CHIC1: variants seen among roughly 807,000 people sequenced by gnomAD.
CHIC1 encodes the protein cysteine-rich hydrophobic domain-containing protein 1.
In CHIC1, 7 loss-of-function variants were observed where a neutral mutation model predicts 18.5. The observed-to-expected ratio is 0.38, with a 90% CI of 0.22 to 0.71. CHIC1 has a LOEUF of 0.71. Ranked by LOEUF, CHIC1 falls within the 30% of genes least tolerant of loss-of-function variation. CHIC1 has a pLI of 0.49. For synonymous variants in CHIC1, 77 were observed against 73.5 expected (o/e 1.05, Z -0.25); for missense variants, 159 against 176.9 (o/e 0.90, Z 0.57).
In CHIC1 at chrX:73,580,976, C is replaced by T. The variant is rs1204898585; in HGVS notation, c.352-3441C>T. Among the ~76,000 whole-genome samples, 3 of 111,148 alleles carry T rather than the reference C, an allele frequency of 2.7e-5. No homozygotes were observed. In the East Asian group the frequency reaches 8.5e-4, roughly 31 times the overall value. On this transcript the variant is annotated intron_variant, in intron 2 of 5. Coordinates refer to ENST00000373502, the MANE Select transcript of CHIC1 (RefSeq NM_001039840.4). ...TATTAAGTGCAGAAAAGATTGTTTT[C>T]CCTATTTCATATCGAACAGATGTAT...
intron 3 of CHIC1, among the ~76,000 whole-genome samples, chrX:73,597,594 C>CAT (rs1230045559): frequency 1.4e-3 from 152 of 105,054 alleles, no homozygotes; most frequent in African/African-American, 4.9e-3. Flanking sequence ...TATATACACA[C>CAT]ATATATATAT....
intron 3 of CHIC1, among the ~76,000 whole-genome samples, chrX:73,623,346 G>A (rs1224306256): frequency 9.0e-6 from 1 of 110,876 alleles, no homozygotes; most frequent in African/African-American, 3.3e-5. Flanking sequence ...CTAAGAACCT[G>A]CTTTATGAAT....
Position 73,678,735 on chromosome X carries a change from C to T in CHIC1, c.508-591C>T, listed in dbSNP as rs180842173. ...CCCCCTCTTTGCTACATTACTGCTT[C>T]TCTGATTTATATTTTTCTAAGTATA... On this transcript the variant is annotated intron_variant, in intron 3 of 5. Coordinates refer to ENST00000373502, the MANE Select transcript of CHIC1 (RefSeq NM_001039840.4). Among the ~76,000 whole-genome samples, 868 of 112,326 alleles carry T rather than the reference C, an allele frequency of 7.7e-3. 3 individuals are homozygous for T. Among genetic ancestry groups the T allele is most frequent in the Middle Eastern group, 0.019 (4 of 216 alleles).
Position 73,587,240 on chromosome X carries a change from A to T in CHIC1, c.507+2668A>T, listed in dbSNP as rs1250517255. ...GTCTGCCTTATAATTTTTTGGCAGT[A>T]TAATTCATGAGAATTTTCTCTAGCA... On this transcript the variant is annotated intron_variant, in intron 3 of 5. Transcript: ENST00000373502. Among the ~76,000 whole-genome samples the T allele has an allele frequency of 2.7e-5, 3 of 112,228 alleles. No homozygotes were observed. In the Admixed American group the frequency reaches 2.8e-4, roughly 11 times the overall value.
At position 73,681,203 on chromosome X, in the gene CHIC1, ACT is replaced by A. The variant is rs1156958954; in HGVS notation, c.*202_*203del. On this transcript the variant is annotated 3_prime_UTR_variant, in exon 6 of 6. Transcript: ENST00000373502. ...TCTTTCAATGAGGCTTGTGTTTTGC[ACT>A]CTCAATTTTAAATACACACACATGC... is the stretch of plus-strand genomic sequence containing the variant. 2 of 371,768 alleles carry A rather than the reference ACT, an allele frequency of 5.4e-6. No individual in the cohort carries two copies. Among genetic ancestry groups the A allele is most frequent in the African/African-American group, 5.3e-5 (2 of 37,390 alleles). The allele number at this position is 371,768 out of a possible 1,213,427, so 30.6% of individuals were successfully genotyped here.
chrX:73,573,192 G>T (rs932250353), intron 1 of CHIC1, among the ~76,000 whole-genome samples: 54 of 110,972 alleles, frequency 4.9e-4, no homozygotes, highest in African/African-American at 1.8e-3. Flanking sequence ...TCCATTTATT[G>T]AATAGAGGGG....
chrX:73,673,253 A>C (rs888466431), intron 3 of CHIC1, among the ~76,000 whole-genome samples: 1 of 111,377 alleles, frequency 9.0e-6, no homozygotes, highest in African/African-American at 3.3e-5. Flanking sequence ...TTCCATATGA[A>C]CTTTAAAGTA....
At chrX:73,591,341 A>T (rs771607108) in intron 3 of CHIC1, among the ~76,000 whole-genome samples, 1 of 109,653 alleles carries the variant, frequency 9.1e-6, no homozygotes. Context: ...AAATTCCCTC[A>T]CTCACCAATT....
intron 3 of CHIC1, among the ~76,000 whole-genome samples, chrX:73,595,282 T>C (rs2057601907): frequency 9.0e-6 from 1 of 110,913 alleles, no homozygotes; most frequent in Non-Finnish European, 1.9e-5. Flanking sequence ...TATCAACCCA[T>C]CATCTACATT....
At chrX:73,621,084 C>T (rs1176245605) in intron 3 of CHIC1, among the ~76,000 whole-genome samples, 1 of 111,769 alleles carries the variant, frequency 8.9e-6, no homozygotes, top group African/African-American at 3.3e-5. Context: ...CAGTACCATG[C>T]TGTTTTGGTT....
At chrX:73,612,649 G>C (rs968765030) in intron 3 of CHIC1, among the ~76,000 whole-genome samples, 1 of 111,403 alleles carries the variant, frequency 9.0e-6, no homozygotes, top group African/African-American at 3.3e-5. Context: ...ATCTAGTTTT[G>C]TTCCATCGTG....
At chrX:73,611,878 T>C (rs1217829886) in intron 3 of CHIC1, among the ~76,000 whole-genome samples, 1 of 108,699 alleles carries the variant, frequency 9.2e-6, no homozygotes, top group African/African-American at 3.5e-5. Flanking sequence ...TTTGTTTTTT[T>C]CTTGTAAATT....
intron 3 of CHIC1, among the ~76,000 whole-genome samples, chrX:73,636,679 A>G (rs1474473480): frequency 9.7e-6 from 1 of 103,528 alleles, no homozygotes; most frequent in Non-Finnish European, 2.0e-5. Flanking sequence ...TTTTGTGTTT[A>G]TTTTATAGAT....
chrX:73,642,308 A>T (rs1717175477), intron 3 of CHIC1, among the ~76,000 whole-genome samples: 1 of 111,336 alleles, frequency 9.0e-6, no homozygotes, highest in South Asian at 3.8e-4. Flanking sequence ...TTGGCTGCAT[A>T]AATGTCTTCT....
intron 3 of CHIC1, among the ~76,000 whole-genome samples, chrX:73,625,732 C>G (rs2057780527): frequency 9.0e-6 from 1 of 110,882 alleles, no homozygotes; most frequent in Non-Finnish European, 1.9e-5. Flanking sequence ...TCCTCTAACC[C>G]CCTAAATCTT....
At chrX:73,659,508 T>C (rs956202780) in intron 3 of CHIC1, among the ~76,000 whole-genome samples, 1 of 108,117 alleles carries the variant, frequency 9.2e-6, no homozygotes, top group Admixed American at 9.8e-5. Flanking sequence ...CAGAGGAGCC[T>C]TGCCAATCGC....
At chrX:73,598,023 A>T (rs1489127277) in intron 3 of CHIC1, among the ~76,000 whole-genome samples, 3 of 111,375 alleles carry the variant, frequency 2.7e-5, no homozygotes, top group African/African-American at 9.8e-5. Flanking sequence ...AGTATCATTC[A>T]TGTGCATTTG....
intron 1 of CHIC1, among the ~76,000 whole-genome samples, chrX:73,565,000 TA>T (rs1297248682): frequency 1.8e-5 from 2 of 110,279 alleles, no homozygotes; most frequent in African/African-American, 6.6e-5. Flanking sequence ...TCAAATATAT[TA>T]ACAAATATTT....
intron 5 of CHIC1, among the ~76,000 whole-genome samples, chrX:73,680,524 A>G (rs766918420): frequency 8.9e-6 from 1 of 111,762 alleles, no homozygotes; most frequent in Non-Finnish European, 1.9e-5. Flanking sequence ...AACGATAGTA[A>G]TCTCCAACTA....
Sources: gnomAD v4.1 joint callset for allele counts (sites outside exome capture counted in the v4.1 genomes callset) on GRCh38, gnomAD v4.1.1 for gene constraint, MANE v1.5 for transcripts, NCBI Gene and HGNC (gene_info 2026-07-23, HGNC 2026-07-21) for gene names.